AKR1B1: variants seen among roughly 807,000 people sequenced by gnomAD.
The protein encoded by AKR1B1 is aldo-keto reductase family 1 member B.
Under a neutral mutation model 40.4 loss-of-function variants are expected in AKR1B1, and 22 were observed. The observed-to-expected ratio is 0.54, with a 90% CI of 0.39 to 0.78. AKR1B1 has a LOEUF of 0.78. Among genes scored for constraint, AKR1B1 ranks in the 30% least tolerant of loss-of-function variants. AKR1B1 has a pLI of 0.00. For synonymous variants in AKR1B1, 157 were observed against 149.9 expected, an observed-to-expected ratio of 1.05 and a Z score of -0.35; for missense variants, 357 against 396.7, an observed-to-expected ratio of 0.90 and a Z score of 0.85.
At chr7:134,454,393 A>AAAATAACT in intron 1 of AKR1B1, among the ~76,000 whole-genome samples, 1 of 152,278 alleles carries the variant, frequency 6.6e-6, no homozygotes, top group South Asian at 2.1e-4. Context: ...ACTCTGAGAC[A>AAAATAACT]CTGATAACTA....
chr7:134,451,639 C>T lies in AKR1B1; in HGVS notation c.181G>A (p.Glu61Lys), dbSNP rs769563589. 1.2e-6 allele frequency: 2 copies of T among 1,614,192 alleles called. No individual in the cohort carries two copies. Among genetic ancestry groups the T allele is most frequent in the South Asian group, 1.1e-5 (1 of 91,082 alleles). ...TTCACCACCTGCTCCCTGAGCTTCT[C>T]CTGAATGGCCACCCCCACCTCATTC... Reference protein sequence around the residue: ...NENEVGVAIQEKLREQVVKRE... With the variant: ...NENEVGVAIQKKLREQVVKRE... The change falls in exon 2 of 10, where the codon GAG (glutamate) becomes AAG (lysine). Residue 61 changes from glutamate (E) to lysine (K), a missense_variant. By Grantham distance (56) the Glu-to-Lys change is moderately conservative (BLOSUM62 1). Transcript: ENST00000285930.
At chr7:134,457,892 C>A (rs1287937453) in intron 1 of AKR1B1, among the ~76,000 whole-genome samples, 1 of 151,972 alleles carries the variant, frequency 6.6e-6, no homozygotes, top group Non-Finnish European at 1.5e-5. Context: ...CCCAGCTACC[C>A]GCAGTGCTGA....
At chr7:134,451,799 C>A in intron 1 of AKR1B1, 46 bp from the exon 2 acceptor site, 1 of 1,598,620 alleles carries the variant, frequency 6.3e-7, no homozygotes, top group Non-Finnish European at 8.5e-7. Context: ...AGAGTCTGCA[C>A]AGCAAGGAGG....
rs190448542 is a variant in AKR1B1 at position 134,456,742 on chromosome 7, A to G, written c.66+2255T>C. The stretch of plus-strand genomic sequence containing the variant: ...ATACCTACTCCTATATTTGCCAGGC[A>G]CTGTGAGAAGTGCTAGAAATAGTAA... On this transcript the variant is annotated intron_variant, in intron 1 of 9. Coordinates refer to ENST00000285930, the MANE Select transcript of AKR1B1 (RefSeq NM_001628.4). Among the ~76,000 whole-genome samples, 87 of 151,618 alleles carry G rather than the reference A, an allele frequency of 5.7e-4. 1 individual carries two copies. The highest frequency in any genetic ancestry group is 1.1e-3 in the Non-Finnish European group (74 of 68,026).
chr7:134,457,819 G>T (rs1292257116), intron 1 of AKR1B1, among the ~76,000 whole-genome samples: 1 of 152,094 alleles, frequency 6.6e-6, no homozygotes, highest in Non-Finnish European at 1.5e-5. Context: ...TAAGCAACAA[G>T]CGGAGACTGT....
At chr7:134,451,815 C>A in intron 1 of AKR1B1, 62 bp from the exon 2 acceptor site, 2 of 1,570,616 alleles carry the variant, frequency 1.3e-6, no homozygotes, top group East Asian at 2.3e-5. Flanking sequence ...GGAGGAGGGG[C>A]AGTGGCAGCC....
chr7:134,448,207 G>A, intron 6 of AKR1B1, 146 bp from the exon 7 acceptor site: 1 of 913,604 alleles, frequency 1.1e-6, no homozygotes, highest in South Asian at 1.4e-5. Context: ...CAACCCTTTG[G>A]AAAAAGAGTA....
Position 134,447,348 on chromosome 7 carries a change from C to T in AKR1B1, c.775G>A (p.Val259Met). The change falls in exon 8 of 10, where the codon GTG becomes ATG. Residue 259 changes from valine to methionine, a missense_variant. Coordinates refer to ENST00000285930, the MANE Select transcript of AKR1B1 (RefSeq NM_001628.4). ...GGTGTCACAGACTTGGGGATCACCA[C>T]CAAGTTCCTCTGCATGGGGAACCGG... is the stretch of plus-strand genomic sequence containing the variant. ...LIRFPMQRNL[V>M]VIPKSVTPER... 1 of 1,614,140 alleles carries T rather than the reference C, an allele frequency of 6.2e-7. No individual in the cohort carries two copies. The highest frequency in any genetic ancestry group is 1.1e-5 in the South Asian group (1 of 91,078).
chr7:134,451,412 G>T, intron 2 of AKR1B1, 174 bp downstream of exon 2: 1 of 767,980 alleles, frequency 1.3e-6, no homozygotes, highest in Non-Finnish European at 2.2e-6. Context: ...TCAACAGAGA[G>T]CCAAGGATGG....
At chr7:134,459,174 C>T (rs1473918450), upstream of AKR1B1, 1 of 1,349,558 alleles carries the variant, frequency 7.4e-7, no homozygotes, top group Non-Finnish European at 1.0e-6. Context: ...TGGCGCGCCG[C>T]TGCGCGAAGG....
At chr7:134,450,213 G>A (rs777664503) in intron 3 of AKR1B1, among the ~76,000 whole-genome samples, 2 of 152,212 alleles carry the variant, frequency 1.3e-5, no homozygotes, top group African/African-American at 2.4e-5. Flanking sequence ...CAATAAAACA[G>A]GGCTACGGGA....
At chr7:134,442,800 T>G (rs369335864) in intron 9 of AKR1B1, 30 bp from the exon 10 acceptor site, 3 of 1,610,928 alleles carry the variant, frequency 1.9e-6, no homozygotes, top group Non-Finnish European at 1.7e-6. Flanking sequence ...AACAGTTGCT[T>G]TTTGAAGAGG....
intron 8 of AKR1B1, among the ~76,000 whole-genome samples, chr7:134,446,264 C>T (rs1341875455): frequency 6.6e-6 from 1 of 152,210 alleles, no homozygotes; most frequent in African/African-American, 2.4e-5. Context: ...CTTAGAACAT[C>T]TACCTGCACG....
chr7:134,447,230 A>G, intron 8 of AKR1B1, 68 bp downstream of exon 8: 1 of 1,335,314 alleles, frequency 7.5e-7, no homozygotes, highest in Non-Finnish European at 1.1e-6. Flanking sequence ...CTCCAGAGAC[A>G]GGATGAGAGG....
At chr7:134,451,794 C>T (rs1357328284) in intron 1 of AKR1B1, 41 bp from the exon 2 acceptor site, 1 of 1,605,674 alleles carries the variant, frequency 6.2e-7, no homozygotes, top group Admixed American at 1.7e-5. Flanking sequence ...AATGCAGAGT[C>T]TGCACAGCAA....
rs377548852 is a variant in AKR1B1 at position 134,449,709 on chromosome 7, G to A, written c.429+11C>T. 6.2e-7 allele frequency: 1 copy of A among 1,611,782 alleles called. No homozygotes were observed. Reference sequence around the variant, plus strand: ...GTCACGAAAACAAGGTCCAACCAGGGGCTGTCTTACCGCCCACGTGTCCAG... The same window carrying A: ...GTCACGAAAACAAGGTCCAACCAGGAGCTGTCTTACCGCCCACGTGTCCAG... On this transcript the variant is annotated intron_variant, in intron 4 of 9. Transcript: ENST00000285930.
At chr7:134,448,529 G>T in intron 5 of AKR1B1, 36 bp from the exon 6 acceptor site, 1 of 1,505,336 alleles carries the variant, frequency 6.6e-7, no homozygotes, top group Non-Finnish European at 9.2e-7. Context: ...TGGGAGCACT[G>T]TGGCTACACG....
chr7:134,446,280 A>C (rs1189317223), intron 8 of AKR1B1, among the ~76,000 whole-genome samples: 1 of 152,238 alleles, frequency 6.6e-6, no homozygotes, highest in Non-Finnish European at 1.5e-5. Flanking sequence ...GCACGTAAGA[A>C]GAAAAACGTC....
chr7:134,447,443 G>A, intron 7 of AKR1B1, 62 bp from the exon 8 acceptor site: 2 of 1,388,314 alleles, frequency 1.4e-6, no homozygotes, highest in South Asian at 2.3e-5. Context: ...CATCATCTCA[G>A]TCTCTCACAC....
Sources: allele counts gnomAD v4.1 joint callset (sites outside exome capture counted in the v4.1 genomes callset), GRCh38; gene constraint gnomAD v4.1.1; transcripts MANE v1.5; gene names NCBI Gene and HGNC (gene_info 2026-07-23, HGNC 2026-07-21).